FMN2: variants seen among roughly 807,000 people sequenced by gnomAD.
FMN2 encodes the protein formin 2.
Under a neutral mutation model 142.3 loss-of-function variants are expected in FMN2, and 51 were observed. The observed-to-expected ratio is 0.36, with a 90% CI of 0.29 to 0.45. FMN2 has a LOEUF of 0.45. Ranked by LOEUF, FMN2 falls within the 20% of genes least tolerant of loss-of-function variation. FMN2 has a pLI of 1.00. For synonymous variants in FMN2, 882 were observed against 869.8 expected (o/e 1.01, Z -0.25); for missense variants, 1,936 against 2,122.8 (o/e 0.91, Z 1.73).
chr1:240,349,763 C>G (rs1672028353), intron 13 of FMN2, among the ~76,000 whole-genome samples: 1 of 152,184 alleles, frequency 6.6e-6, no homozygotes, highest in Non-Finnish European at 1.5e-5. Context: ...CTTTTTGACT[C>G]AGAGAAGTCT....
chr1:240,404,923 T>C (rs1342537149), intron 15 of FMN2, among the ~76,000 whole-genome samples: 2 of 152,180 alleles, frequency 1.3e-5, no homozygotes, highest in Non-Finnish European at 2.9e-5. Flanking sequence ...CCAGTCTTGG[T>C]TGATAATTAT....
chr1:240,164,034 C>T (rs1476226936), intron 2 of FMN2, among the ~76,000 whole-genome samples: 1 of 151,952 alleles, frequency 6.6e-6, no homozygotes, highest in African/African-American at 2.4e-5. Context: ...TGCGTCACCA[C>T]CCCAAGATAA....
intron 14 of FMN2, among the ~76,000 whole-genome samples, chr1:240,358,475 A>G (rs1406557632): frequency 6.6e-6 from 1 of 152,208 alleles, no homozygotes; most frequent in Admixed American, 6.5e-5. Flanking sequence ...CCATTTTCAC[A>G]CTGCTATAAA....
At chr1:240,447,741 A>C (rs1402819963) in intron 16 of FMN2, among the ~76,000 whole-genome samples, 1 of 152,182 alleles carries the variant, frequency 6.6e-6, no homozygotes, top group Non-Finnish European at 1.5e-5. Flanking sequence ...AGTGACTACT[A>C]ATGAAGTTTC....
intron 5 of FMN2, among the ~76,000 whole-genome samples, chr1:240,210,589 T>A (rs1323225376): frequency 6.6e-6 from 1 of 152,218 alleles, no homozygotes; most frequent in Non-Finnish European, 1.5e-5. Flanking sequence ...GTTTGCTTTT[T>A]AAAAAGATGT....
intron 16 of FMN2, among the ~76,000 whole-genome samples, chr1:240,445,708 T>TTTC (rs1675782469): frequency 6.6e-6 from 1 of 151,336 alleles, no homozygotes; most frequent in African/African-American, 2.4e-5. Flanking sequence ...AAGGGTTTTT[T>TTTC]TTTTTTTTCT....
At chr1:240,413,118 G>GTC (rs563778756) in intron 15 of FMN2, among the ~76,000 whole-genome samples, 1,383 of 28,128 alleles carry the variant, frequency 0.049, 137 homozygotes, top group African/African-American at 0.21. Context: ...GCGAGACTCT[G>GTC]TCAAAAAAAA....
chr1:240,422,459 T>C (rs1674800968), intron 15 of FMN2, among the ~76,000 whole-genome samples: 1 of 152,236 alleles, frequency 6.6e-6, no homozygotes. Flanking sequence ...CATATAGATC[T>C]TGTACACATT....
At chr1:240,213,416 T>C (rs1467520668) in intron 6 of FMN2, among the ~76,000 whole-genome samples, 1 of 152,190 alleles carries the variant, frequency 6.6e-6, no homozygotes, top group African/African-American at 2.4e-5. Context: ...AAAGATTTTT[T>C]TAAATGTATG....
chr1:240,258,761 C>T (rs1253103620), intron 7 of FMN2, among the ~76,000 whole-genome samples: 1 of 152,108 alleles, frequency 6.6e-6, no homozygotes, highest in East Asian at 1.9e-4. Context: ...AGAGATACTG[C>T]CCAAAGGTGA....
chr1:240,186,056 AT>A (rs754077853), intron 3 of FMN2, among the ~76,000 whole-genome samples: 14 of 152,296 alleles, frequency 9.2e-5, no homozygotes, highest in Non-Finnish European at 1.6e-4. Context: ...AAATGGTTGT[AT>A]TTTAAGGCCA....
At chr1:240,106,044 G>A (rs765233992) in intron 1 of FMN2, among the ~76,000 whole-genome samples, 2 of 152,118 alleles carry the variant, frequency 1.3e-5, no homozygotes, top group African/African-American at 2.4e-5. Context: ...AGTACGTTGT[G>A]TCTTACATTG....
At chr1:240,420,596 A>C (rs754902007) in intron 15 of FMN2, among the ~76,000 whole-genome samples, 10 of 152,170 alleles carry the variant, frequency 6.6e-5, no homozygotes, top group Non-Finnish European at 1.5e-4. Flanking sequence ...GATGGTGTTC[A>C]CACCAGGACA....
At chr1:240,437,895 C>G (rs1675455279) in intron 15 of FMN2, among the ~76,000 whole-genome samples, 166 bp from the exon 16 acceptor site, 1 of 152,168 alleles carries the variant, frequency 6.6e-6, no homozygotes, top group African/African-American at 2.4e-5. Context: ...ATCCAAAACT[C>G]TTAACCTTAA....
At chr1:240,364,439 G>A (rs954142765) in intron 14 of FMN2, among the ~76,000 whole-genome samples, 6 of 151,996 alleles carry the variant, frequency 3.9e-5, no homozygotes, top group Admixed American at 2.6e-4. Flanking sequence ...TGAACCAGAC[G>A]GACAAAACTC....
At chr1:240,409,936 G>T (rs1572278204) in intron 15 of FMN2, among the ~76,000 whole-genome samples, 1 of 152,196 alleles carries the variant, frequency 6.6e-6, no homozygotes, top group Admixed American at 6.5e-5. Flanking sequence ...ATATTAAAAT[G>T]TTTTAAAAAT....
intron 3 of FMN2, among the ~76,000 whole-genome samples, chr1:240,184,664 G>C (rs1665320694): frequency 6.6e-6 from 1 of 151,758 alleles, no homozygotes; most frequent in Non-Finnish European, 1.5e-5. Context: ...ATGAATATTC[G>C]ATGGAGATGA....
intron 15 of FMN2, among the ~76,000 whole-genome samples, chr1:240,424,078 CTT>C (rs1447865027): frequency 6.6e-5 from 10 of 152,240 alleles, no homozygotes; most frequent in Admixed American, 1.3e-4. Flanking sequence ...CAGCATGTCT[CTT>C]TGCTTAACTG....
At chr1:240,257,280 C>A (rs1471685530) in intron 6 of FMN2, among the ~76,000 whole-genome samples, 1 of 152,146 alleles carries the variant, frequency 6.6e-6, no homozygotes, top group Admixed American at 6.5e-5. Context: ...TTAAGACTTG[C>A]TGGAAATCCA....
Sources: allele counts gnomAD v4.1 joint callset (sites outside exome capture counted in the v4.1 genomes callset), GRCh38; gene constraint gnomAD v4.1.1; transcripts MANE v1.5; gene names NCBI Gene and HGNC (gene_info 2026-07-23, HGNC 2026-07-21).